The following STK32B variants were observed in gnomAD, a reference collection of about 807,000 sequenced individuals.
STK32B encodes the protein serine/threonine kinase 32B.
In STK32B, 43 loss-of-function variants were observed where a neutral mutation model predicts 52.6. The observed-to-expected ratio is 0.82, with a 90% confidence interval of 0.64 to 1.05. The LOEUF (loss-of-function observed/expected upper bound fraction) is 1.05. STK32B is among the 50% of genes least tolerant of loss of function. The pLI, the probability that STK32B is intolerant of heterozygous loss-of-function variation, is 0.00. For synonymous variants in STK32B, 238 were observed against 204.3 expected, an observed-to-expected ratio of 1.17 and a Z score of -1.41; for missense variants, 621 against 534.6, an observed-to-expected ratio of 1.16 and a Z score of -1.59.
intron 3 of STK32B, among the ~76,000 whole-genome samples, chr4:5,208,754 G>A (rs796545636): frequency 6.6e-6 from 1 of 152,224 alleles, no homozygotes; most frequent in African/African-American, 2.4e-5. Flanking sequence ...TTCAATGATC[G>A]CCCCATGGTG....
intron 6 of STK32B, among the ~76,000 whole-genome samples, chr4:5,440,179 G>A (rs935469356): frequency 1.3e-5 from 2 of 152,150 alleles, no homozygotes; most frequent in South Asian, 2.1e-4. Flanking sequence ...CATTGAATCT[G>A]TAAACTACCT....
At chr4:5,303,250 A>G (rs1729689947) in intron 3 of STK32B, among the ~76,000 whole-genome samples, 1 of 152,058 alleles carries the variant, frequency 6.6e-6, no homozygotes, top group Non-Finnish European at 1.5e-5. Flanking sequence ...TCTTTAAGGA[A>G]TCTCCACACT....
chr4:5,116,121 TA>T (rs1714700051), intron 1 of STK32B, among the ~76,000 whole-genome samples: 1 of 152,114 alleles, frequency 6.6e-6, no homozygotes, highest in Admixed American at 6.5e-5. Flanking sequence ...TTATTGACTC[TA>T]TTAAACACTG....
Position 5,497,262 on chromosome 4 carries a change from A to G in STK32B, c.1107-1683A>G, listed in dbSNP as rs372833667. On this transcript the variant is annotated intron_variant, in intron 11 of 11. Transcript: ENST00000282908. Reference sequence around the variant, plus strand: ...CCCCATTCTGTGAATGTTCTGGTCTAATGTCAAATACACAAAAGCCAATTA... The same window carrying G: ...CCCCATTCTGTGAATGTTCTGGTCTGATGTCAAATACACAAAAGCCAATTA... Among the ~76,000 whole-genome samples the G allele has an allele frequency of 7.9e-5, 12 of 152,240 alleles. 1 individual carries two copies. Among genetic ancestry groups the G allele is most frequent in the East Asian group, 5.8e-4 (3 of 5,206 alleles).
intron 9 of STK32B, among the ~76,000 whole-genome samples, chr4:5,462,438 G>T (rs1319875056): frequency 6.6e-6 from 1 of 152,060 alleles, no homozygotes; most frequent in Non-Finnish European, 1.5e-5. Context: ...TGTGCCTTGG[G>T]GCCGGCAGGG....
At chr4:5,113,771 G>A (rs745424497) in intron 1 of STK32B, among the ~76,000 whole-genome samples, 1 of 152,100 alleles carries the variant, frequency 6.6e-6, no homozygotes, top group Non-Finnish European at 1.5e-5. Flanking sequence ...ATATACCCAA[G>A]ACTGGGCAAT....
intron 3 of STK32B, among the ~76,000 whole-genome samples, chr4:5,212,280 A>C (rs750028848): frequency 3.3e-5 from 5 of 152,204 alleles, no homozygotes; most frequent in Admixed American, 3.3e-4. Flanking sequence ...GTCTAACATG[A>C]CACAGCTACC....
chr4:5,284,683 G>T (rs1029466719), intron 3 of STK32B, among the ~76,000 whole-genome samples: 1 of 152,118 alleles, frequency 6.6e-6, no homozygotes, highest in African/African-American at 2.4e-5. Context: ...TAATTTTACA[G>T]CCACCTTCTG....
intron 11 of STK32B, among the ~76,000 whole-genome samples, chr4:5,491,669 A>G (rs1175724696): frequency 2.0e-5 from 3 of 152,040 alleles, no homozygotes; most frequent in African/African-American, 4.8e-5. Flanking sequence ...TATATCCTGA[A>G]TGGTAATGCC....
At chr4:5,094,288 T>G (rs1713260084) in intron 1 of STK32B, among the ~76,000 whole-genome samples, 1 of 152,188 alleles carries the variant, frequency 6.6e-6, no homozygotes, top group Non-Finnish European at 1.5e-5. Context: ...GGTTTAACTT[T>G]AAAAATGTCA....
Position 5,400,083 on chromosome 4 carries a change from A to G in STK32B, c.472+1839A>G, listed in dbSNP as rs1737191421. 6.6e-6 allele frequency among the ~76,000 whole-genome samples: 1 copy of G among 152,284 alleles called. No homozygotes were observed. Among genetic ancestry groups the G allele is most frequent in the Middle Eastern group, 3.4e-3 (1 of 294 alleles). On this transcript the variant is annotated intron_variant, in intron 5 of 11. Transcript: ENST00000282908. The surrounding 1 kb of genome is among the most constrained non-coding windows in gnomAD (Gnocchi z 6.1). ...AATTCAGACAGAAACATCAATAGCA[A>G]TAAGCTAGCCATTGCACTGATGAGG...
chr4:5,486,392 C>A (rs1383163234), intron 11 of STK32B, among the ~76,000 whole-genome samples: 2 of 152,172 alleles, frequency 1.3e-5, no homozygotes, highest in South Asian at 4.1e-4. Flanking sequence ...CAGCCAGGCG[C>A]GGGATGTAAT....
At chr4:5,182,588 A>T (rs1720446199) in intron 3 of STK32B, among the ~76,000 whole-genome samples, 1 of 151,856 alleles carries the variant, frequency 6.6e-6, no homozygotes, top group South Asian at 2.1e-4. Flanking sequence ...CAGCCTCCTG[A>T]GTAGCTGGGA....
At chr4:5,226,042 C>G (rs1159107624) in intron 3 of STK32B, among the ~76,000 whole-genome samples, 4 of 152,158 alleles carry the variant, frequency 2.6e-5, no homozygotes, top group African/African-American at 9.7e-5. Flanking sequence ...TGTGTGATAA[C>G]TCTTAACATT....
chr4:5,024,137 A>G, the STK32B span, among the ~76,000 whole-genome samples: 699 of 152,344 alleles, frequency 4.6e-3, 5 homozygotes, highest in African/African-American at 0.016. Context: ...TTCATGTGTC[A>G]TCTTGACTAG....
intron 3 of STK32B, among the ~76,000 whole-genome samples, chr4:5,292,304 C>G (rs558560936): frequency 6.6e-6 from 1 of 152,194 alleles, no homozygotes; most frequent in Non-Finnish European, 1.5e-5. Context: ...TTGCCAAAAT[C>G]TATTATTTTT....
At chr4:5,475,312 C>T (rs1245843898) in intron 11 of STK32B, among the ~76,000 whole-genome samples, 1 of 151,176 alleles carries the variant, frequency 6.6e-6, no homozygotes, top group Non-Finnish European at 1.5e-5. Flanking sequence ...GTAATCCCAG[C>T]CACTCAGGAG....
chr4:5,208,249 T>C (rs1246323477), intron 3 of STK32B, among the ~76,000 whole-genome samples: 2 of 152,162 alleles, frequency 1.3e-5, no homozygotes, highest in Non-Finnish European at 2.9e-5. Flanking sequence ...CATCAGTTAG[T>C]TACATGGCTT....
intron 1 of STK32B, among the ~76,000 whole-genome samples, chr4:5,092,690 G>A (rs1388820856): frequency 2.0e-5 from 3 of 152,122 alleles, no homozygotes; most frequent in Non-Finnish European, 2.9e-5. Context: ...AGCAAGGGAT[G>A]GTTGGGGTGC....
Sources: allele counts gnomAD v4.1 joint callset (sites outside exome capture counted in the v4.1 genomes callset), GRCh38; gene constraint gnomAD v4.1.1; non-coding constraint Gnocchi (gnomAD v3.1); transcripts MANE v1.5; gene names NCBI Gene and HGNC (gene_info 2026-07-23, HGNC 2026-07-21).